SEC23B: variants seen among roughly 807,000 people sequenced by gnomAD.
SEC23B encodes the protein protein transport protein Sec23B.
Under a neutral mutation model 104.3 loss-of-function variants are expected in SEC23B, and 77 were observed. The ratio of observed to expected loss-of-function variants is 0.74; its 90% confidence interval spans 0.61 to 0.89. SEC23B has a LOEUF of 0.89. Ranked by LOEUF, SEC23B falls within the 40% of genes least tolerant of loss-of-function variation. SEC23B has a pLI of 0.00. For synonymous variants in SEC23B, 338 were observed against 332.5 expected (o/e 1.02, Z -0.18); for missense variants, 885 against 949.4 (o/e 0.93, Z 0.89).
chr20:18,516,451 C>G (rs984227231), intron 4 of SEC23B, among the ~76,000 whole-genome samples: 1 of 151,830 alleles, frequency 6.6e-6, no homozygotes, highest in Admixed American at 6.6e-5. Flanking sequence ...CAGAACTAAA[C>G]TGTTTTTATT....
chr20:18,554,093 C>G, intron 17 of SEC23B, 142 bp from the exon 18 acceptor site: 1 of 969,676 alleles, frequency 1.0e-6, no homozygotes, highest in Admixed American at 2.0e-5. Flanking sequence ...CTCTGCTTTG[C>G]TCTCCCTCTG....
intron 3 of SEC23B, among the ~76,000 whole-genome samples, chr20:18,515,255 G>GT (rs2060014636): frequency 6.6e-6 from 1 of 152,162 alleles, no homozygotes; most frequent in South Asian, 2.1e-4. Flanking sequence ...TGATTTTTAT[G>GT]TTTTTTAACG....
chr20:18,523,871 A>G (rs2060109218), intron 4 of SEC23B, among the ~76,000 whole-genome samples: 1 of 151,844 alleles, frequency 6.6e-6, no homozygotes, highest in Non-Finnish European at 1.5e-5. Context: ...TCCCCAACTA[A>G]TTTTTAAATT....
intron 11 of SEC23B, among the ~76,000 whole-genome samples, chr20:18,534,556 C>G (rs971490844): frequency 1.3e-5 from 2 of 152,220 alleles, no homozygotes. Context: ...ATGGTGGTAA[C>G]TGCCCCACTG....
Position 18,546,039 on chromosome 20 carries a change from T to A in SEC23B, c.1743+6T>A. On this transcript the variant is annotated splice_donor_region_variant and intron_variant, in intron 15 of 19. Coordinates refer to ENST00000650089, the MANE Select transcript of SEC23B (RefSeq NM_006363.6). ...CCTTTTCTCTATATCCTCAGGTAAG[T>A]AATGTATGTTTCTAAAATAACTACA... 1 of 1,413,310 alleles carries A rather than the reference T, an allele frequency of 7.1e-7. No individual in the cohort carries two copies. The highest frequency in any genetic ancestry group is 1.0e-6 in the Non-Finnish European group (1 of 996,828). The allele number at this position is 1,413,310 out of a possible 1,614,324, so 87.5% of individuals were successfully genotyped here. A position where few individuals can be genotyped will look rare whatever the true frequency, so the allele number is the denominator to read the frequency against.
chr20:18,542,209 C>T, intron 12 of SEC23B, 87 bp from the exon 13 acceptor site: 1 of 1,107,246 alleles, frequency 9.0e-7, no homozygotes. Context: ...ATTGCTGTGT[C>T]AGTCATTTTA....
chr20:18,523,073 AAAAG>A (rs1020859032), intron 4 of SEC23B, among the ~76,000 whole-genome samples: 4 of 75,886 alleles, frequency 5.3e-5, no homozygotes, highest in African/African-American at 1.3e-4. Context: ...TCTCAAAAAA[AAAAG>A]AAAAAAAAAT....
chr20:18,551,207 T>A lies in SEC23B; in HGVS notation c.1992+32T>A, dbSNP rs779565171. 3 of 1,261,212 alleles carry A rather than the reference T, an allele frequency of 2.4e-6. No individual in the cohort carries two copies. In the South Asian group the frequency reaches 3.7e-5, roughly 16 times the overall value. The allele number at this position is 1,261,212 out of a possible 1,614,324, so 78.1% of individuals were successfully genotyped here. On this transcript the variant is annotated intron_variant, in intron 17 of 19. Coordinates refer to ENST00000650089, the MANE Select transcript of SEC23B (RefSeq NM_006363.6). ...TGATATTATTAATTAATTAATTTCT[T>A]TTTGTTTTTAAATTGGAGAAAAGGC...
intron 1 of SEC23B, among the ~76,000 whole-genome samples, chr20:18,510,583 G>A (rs892327959): frequency 6.6e-6 from 1 of 152,158 alleles, no homozygotes; most frequent in South Asian, 2.1e-4. Flanking sequence ...TGGCCAACAT[G>A]GTGAAACCCT....
chr20:18,514,967 G>A (rs1452819488), intron 3 of SEC23B, among the ~76,000 whole-genome samples: 4 of 152,136 alleles, frequency 2.6e-5, no homozygotes, highest in Non-Finnish European at 5.9e-5. Flanking sequence ...GATGAGATAG[G>A]TGAAATCTCA....
intron 4 of SEC23B, among the ~76,000 whole-genome samples, chr20:18,518,605 T>TTTTTTG (rs2060055256): frequency 1.6e-5 from 2 of 125,462 alleles, no homozygotes; most frequent in South Asian, 5.5e-4. Context: ...TTTTTTTTTT[T>TTTTTTG]GTCTAAGAAC....
chr20:18,525,053 G>A (rs760262990), intron 6 of SEC23B, 33 bp downstream of exon 6: 5 of 1,565,156 alleles, frequency 3.2e-6, no homozygotes, highest in Non-Finnish European at 4.4e-6. Context: ...TACACGTATT[G>A]TGATGGACAT....
chr20:18,538,682 T>C (rs1156989551), intron 12 of SEC23B, among the ~76,000 whole-genome samples: 1 of 152,212 alleles, frequency 6.6e-6, no homozygotes, highest in Admixed American at 6.5e-5. Context: ...CTTTAAAAAA[T>C]GGAATCAATT....
rs150042408 is a variant in SEC23B, at chr20:18,527,553, G to A, written c.1051G>A (p.Ala351Thr). Residue 351 changes from alanine to threonine, a missense_variant, in exon 9 of 20, where the codon GCT becomes ACT. Ala to Thr is a moderately conservative substitution (Grantham distance 58). Transcript: ENST00000650089. ...AAATGGTCACTGCATTGATATTTAT[G>A]CTTGTGCCCTTGATCAAACTGGACT... is the stretch of plus-strand genomic sequence containing the variant. ...AANGHCIDIY[A>T]CALDQTGLLE... is the part of the protein sequence containing the mutation. 1 of 1,613,896 alleles carries A rather than the reference G, an allele frequency of 6.2e-7. No individual in the cohort carries two copies. The highest frequency in any genetic ancestry group is 8.5e-7 in the Non-Finnish European group (1 of 1,179,772).
chr20:18,534,709 ATTTC>A (rs1465655412), intron 11 of SEC23B, among the ~76,000 whole-genome samples: 1 of 152,158 alleles, frequency 6.6e-6, no homozygotes, highest in East Asian at 1.9e-4. Context: ...AAATCAGTTT[ATTTC>A]TTTGGGGATT....
chr20:18,511,399 G>A (rs1265509200), intron 2 of SEC23B, among the ~76,000 whole-genome samples: 1 of 152,066 alleles, frequency 6.6e-6, no homozygotes, highest in African/African-American at 2.4e-5. Flanking sequence ...AGAAGAATTC[G>A]AAAGCTTAGA....
intron 12 of SEC23B, among the ~76,000 whole-genome samples, chr20:18,541,227 T>G (rs2060285066): frequency 6.6e-6 from 1 of 152,352 alleles, no homozygotes; most frequent in South Asian, 2.1e-4. Flanking sequence ...TTGCTCTGGA[T>G]TAGGCCCTGG....
chr20:18,515,551 G>A (rs1206703873), intron 3 of SEC23B, 99 bp from the exon 4 acceptor site: 1 of 738,636 alleles, frequency 1.4e-6, no homozygotes. Context: ...GAGCTCAAGT[G>A]TTCCTCTCGT....
At chr20:18,509,059 C>T (rs1209491380) in intron 1 of SEC23B, among the ~76,000 whole-genome samples, 1 of 152,112 alleles carries the variant, frequency 6.6e-6, no homozygotes, top group Non-Finnish European at 1.5e-5. Context: ...GAGAGAGAGA[C>T]GGTTATTTAA....
Sources: gnomAD v4.1 joint callset for allele counts (sites outside exome capture counted in the v4.1 genomes callset) on GRCh38, gnomAD v4.1.1 for gene constraint, MANE v1.5 for transcripts, NCBI Gene and HGNC (gene_info 2026-07-23, HGNC 2026-07-21) for gene names.